TLN2: variants seen among roughly 807,000 people sequenced by gnomAD.
TLN2 encodes talin-2.
Under a neutral mutation model 294.7 loss-of-function variants are expected in TLN2, and 118 were observed. That is an observed-to-expected ratio of 0.40 (90% CI 0.34 to 0.47). The LOEUF is 0.47. Among genes scored for constraint, TLN2 ranks in the 20% least tolerant of loss-of-function variants. The pLI is 0.84. For synonymous variants in TLN2, 1,431 were observed against 1,304.5 expected, an observed-to-expected ratio of 1.10 and a Z score of -2.09; for missense variants, 3,083 against 3,282.2, an observed-to-expected ratio of 0.94 and a Z score of 1.48.
intron 1 of TLN2, among the ~76,000 whole-genome samples, chr15:62,562,781 T>C (rs1435038121): frequency 6.6e-6 from 1 of 151,898 alleles, no homozygotes; most frequent in Non-Finnish European, 1.5e-5. Flanking sequence ...CACTTACGAG[T>C]GAGAATATAT....
intron 48 of TLN2, among the ~76,000 whole-genome samples, chr15:62,797,988 G>A (rs1297548537): frequency 1.3e-5 from 2 of 152,232 alleles, no homozygotes; most frequent in South Asian, 4.1e-4. Flanking sequence ...CGGAGAAGCA[G>A]CAGCTGCTGC....
rs778085451 is a variant in TLN2 at position 62,727,139 on chromosome 15, C to T, written c.3308C>T (p.Ser1103Phe). 1 of 1,614,236 alleles carries T rather than the reference C, an allele frequency of 6.2e-7. No individual in the cohort carries two copies. Residue 1103 changes from serine (S) to phenylalanine (F), a missense_variant, in exon 28 of 59, where the codon TCC (serine) becomes TTC (phenylalanine). Transcript: ENST00000636159. ...AGCACATCCAAGGCGGTGGGCTCCT[C>T]CATGGCACAGCTGCTGACCTGTGCT... is the stretch of plus-strand genomic sequence containing the variant. ...LGSTSKAVGS[S>F]MAQLLTCAAQ...
intron 1 of TLN2, among the ~76,000 whole-genome samples, chr15:62,440,691 T>C (rs1489381597): frequency 2.6e-5 from 4 of 152,208 alleles, no homozygotes; most frequent in Non-Finnish European, 4.4e-5. Context: ...GCAGGAATTA[T>C]TGACCGTCCT....
intron 1 of TLN2, among the ~76,000 whole-genome samples, chr15:62,470,220 A>G (rs930108185): frequency 1.6e-4 from 24 of 152,102 alleles, no homozygotes; most frequent in African/African-American, 5.5e-4. Context: ...TTTCCAACCT[A>G]TGGGACCCAT....
intron 1 of TLN2, among the ~76,000 whole-genome samples, chr15:62,416,336 C>T (rs928680080): frequency 6.6e-6 from 1 of 152,064 alleles, no homozygotes; most frequent in African/African-American, 2.4e-5. Flanking sequence ...AAAACAAAAT[C>T]CCTCTTCAGT....
At chr15:62,650,462 G>C (rs898406062) in intron 5 of TLN2, among the ~76,000 whole-genome samples, 2 of 152,178 alleles carry the variant, frequency 1.3e-5, no homozygotes, top group African/African-American at 4.8e-5. Context: ...GCATCTTACT[G>C]TAAGTATGGA....
At chr15:62,511,681 C>G (rs1309024562) in intron 1 of TLN2, among the ~76,000 whole-genome samples, 6 of 150,456 alleles carry the variant, frequency 4.0e-5, no homozygotes, top group Admixed American at 2.0e-4. Flanking sequence ...TCATGGAGTT[C>G]ACCCCTGAAT....
At chr15:62,580,198 T>A (rs762110389) in intron 1 of TLN2, among the ~76,000 whole-genome samples, 6 of 152,206 alleles carry the variant, frequency 3.9e-5, no homozygotes, top group Non-Finnish European at 7.3e-5. Flanking sequence ...CAGGTTTTAT[T>A]TCTTCGGAGC....
intron 9 of TLN2, among the ~76,000 whole-genome samples, chr15:62,659,972 T>C (rs538004460): frequency 2.8e-4 from 42 of 152,224 alleles, no homozygotes; most frequent in Non-Finnish European, 5.6e-4. Context: ...GGGCTGTCCC[T>C]GGTGACTGGC....
chr15:62,639,733 G>A (rs532593223), intron 3 of TLN2, among the ~76,000 whole-genome samples: 38 of 152,002 alleles, frequency 2.5e-4, no homozygotes, highest in African/African-American at 8.0e-4. Flanking sequence ...CGAGACTAGG[G>A]GAGCCTCTCC....
At chr15:62,838,586 C>G (rs1385088085) in intron 57 of TLN2, among the ~76,000 whole-genome samples, 1 of 152,190 alleles carries the variant, frequency 6.6e-6, no homozygotes, top group Non-Finnish European at 1.5e-5. Flanking sequence ...TAAATATTTA[C>G]ATAATTGTAA....
intron 46 of TLN2, 21 bp downstream of exon 46, chr15:62,792,808 T>C (rs370189162): frequency 6.8e-6 from 11 of 1,613,158 alleles, no homozygotes; most frequent in Non-Finnish European, 9.3e-6. Context: ...GCCCTCAGTT[T>C]AGAGTCACAA....
At chr15:62,431,842 G>A (rs2035028713) in intron 1 of TLN2, among the ~76,000 whole-genome samples, 1 of 152,178 alleles carries the variant, frequency 6.6e-6, no homozygotes, top group Non-Finnish European at 1.5e-5. Flanking sequence ...GTGCAGCTTG[G>A]TGTAAATATT....
chr15:62,818,838 T>A (rs1395747085), intron 52 of TLN2, among the ~76,000 whole-genome samples: 1 of 69,862 alleles, frequency 1.4e-5, no homozygotes, highest in Non-Finnish European at 2.7e-5. Context: ...TTCTTTTTTT[T>A]TTTATTTTTA....
intron 10 of TLN2, among the ~76,000 whole-genome samples, chr15:62,674,589 C>CG (rs2055918085): frequency 6.6e-6 from 1 of 151,092 alleles, no homozygotes; most frequent in African/African-American, 2.4e-5. Context: ...CGTACCTCCC[C>CG]CCGCCCTGTT....
intron 1 of TLN2, among the ~76,000 whole-genome samples, chr15:62,510,709 G>A (rs537971859): frequency 6.6e-6 from 1 of 152,316 alleles, no homozygotes; most frequent in South Asian, 2.1e-4. Flanking sequence ...TTGCAGGAGA[G>A]ACAGTGAGTG....
intron 1 of TLN2, among the ~76,000 whole-genome samples, chr15:62,570,610 C>CT (rs2043787959): frequency 6.6e-6 from 1 of 152,090 alleles, no homozygotes; most frequent in African/African-American, 2.4e-5. Context: ...ATTTTGGTTG[C>CT]TTAAGCTAGT....
intron 28 of TLN2, among the ~76,000 whole-genome samples, chr15:62,728,793 A>G (rs551565888): frequency 6.6e-6 from 1 of 152,174 alleles, no homozygotes; most frequent in East Asian, 1.9e-4. Flanking sequence ...TATTTCTTGT[A>G]TATTGTGATT....
intron 2 of TLN2, among the ~76,000 whole-genome samples, chr15:62,593,020 T>G (rs1333197688): frequency 1.3e-5 from 2 of 152,218 alleles, no homozygotes; most frequent in Non-Finnish European, 2.9e-5. Context: ...TGAAAAATAT[T>G]GTTTTTGGCT....
Sources: allele counts gnomAD v4.1 joint callset (sites outside exome capture counted in the v4.1 genomes callset), GRCh38; gene constraint gnomAD v4.1.1; transcripts MANE v1.5; gene names NCBI Gene and HGNC (gene_info 2026-07-23, HGNC 2026-07-21).